The following BCO1 variants were observed in gnomAD, a reference collection of about 807,000 sequenced individuals.
The protein encoded by BCO1 is beta-carotene oxygenase 1.
BCO1 carries 54 observed loss-of-function variants against 56.3 expected under a neutral mutation model. That is an observed-to-expected ratio of 0.96 (90% CI 0.77 to 1.20). The LOEUF (loss-of-function observed/expected upper bound fraction) is 1.20, where lower values mean the gene tolerates loss of function less well. Ranked by LOEUF, BCO1 falls within the 50% of genes most tolerant of loss-of-function variation. The pLI is 0.00. For missense variants in BCO1, 801 were observed against 690.9 expected, an observed-to-expected ratio of 1.16 and a Z score of -1.79; for synonymous variants, 318 against 266.1, an observed-to-expected ratio of 1.20 and a Z score of -1.90.
rs1264701868 is a variant in BCO1, at chr16:81,238,934, G to C, written c.26G>C (p.Arg9Thr). Residue 9 changes from arginine to threonine, a missense_variant, in exon 1 of 11, where the codon AGG becomes ACG. Physicochemically the swap from Arg to Thr is moderately conservative, Grantham distance 71 (BLOSUM62 -1). Transcript: ENST00000258168. ...ATGGATATAATATTTGGCAGGAATAGGAAAGAACAGCTGGAGCCTGTGAGG... is the reference window on the plus strand; with the variant it reads ...ATGGATATAATATTTGGCAGGAATACGAAAGAACAGCTGGAGCCTGTGAGG... The part of the protein sequence containing the change: MDIIFGRN[R>T]KEQLEPVRAK... 1 of 1,614,080 alleles carries C rather than the reference G, an allele frequency of 6.2e-7. No homozygotes were observed. Among genetic ancestry groups the C allele is most frequent in the Non-Finnish European group, 8.5e-7 (1 of 1,180,008 alleles).
At chr16:81,239,860 G>A (rs1271192524) in intron 1 of BCO1, among the ~76,000 whole-genome samples, 1 of 152,090 alleles carries the variant, frequency 6.6e-6, no homozygotes, top group Non-Finnish European at 1.5e-5. Flanking sequence ...ACTCTAAAGG[G>A]CAGTTCCTGG....
In BCO1 at chr16:81,246,622, A is replaced by G. The variant is rs572106440; in HGVS notation, c.193+1019A>G. Among the ~76,000 whole-genome samples the G allele has an allele frequency of 2.6e-5, 4 of 152,102 alleles. No homozygotes were observed. In the South Asian group the frequency reaches 8.3e-4, roughly 32 times the overall value. On this transcript the variant is annotated intron_variant, in intron 2 of 10. Coordinates refer to ENST00000258168, the MANE Select transcript of BCO1 (RefSeq NM_017429.3). ...TTCCATCACTTTGGGAGGCCAAGGCAGGCAGATCATTCAGGGTCGGGAGTT... is the reference window on the plus strand; with the variant it reads ...TTCCATCACTTTGGGAGGCCAAGGCGGGCAGATCATTCAGGGTCGGGAGTT...
chr16:81,288,078 G>A (rs1308825655), intron 10 of BCO1, among the ~76,000 whole-genome samples: 2 of 152,140 alleles, frequency 1.3e-5, no homozygotes, highest in Non-Finnish European at 2.9e-5. Flanking sequence ...AAAGATACTT[G>A]TATCAAGCAG....
At chr16:81,288,954 C>T (rs972139209) in intron 10 of BCO1, among the ~76,000 whole-genome samples, 18 of 152,188 alleles carry the variant, frequency 1.2e-4, no homozygotes, top group Non-Finnish European at 2.1e-4. Flanking sequence ...CTGTCATCTC[C>T]AAGGCGGGGG....
chr16:81,241,076 C>T (rs561157968), intron 1 of BCO1, among the ~76,000 whole-genome samples: 241 of 152,242 alleles, frequency 1.6e-3, no homozygotes, highest in African/African-American at 4.5e-3. Flanking sequence ...TCAGTTGATC[C>T]GCCCGTGTTG....
At chr16:81,253,353 C>G (rs368212675) in intron 2 of BCO1, among the ~76,000 whole-genome samples, 1 of 152,142 alleles carries the variant, frequency 6.6e-6, no homozygotes, top group Non-Finnish European at 1.5e-5. Context: ...TCAAATGTCA[C>G]GTGACTCTGC....
At chr16:81,253,902 G>T (rs999683969) in intron 2 of BCO1, among the ~76,000 whole-genome samples, 1 of 152,254 alleles carries the variant, frequency 6.6e-6, no homozygotes, top group East Asian at 1.9e-4. Context: ...GATTGAGGCT[G>T]CAGTGAGCTG....
chr16:81,244,872 A>C (rs917372824), intron 1 of BCO1, among the ~76,000 whole-genome samples: 3 of 151,896 alleles, frequency 2.0e-5, no homozygotes, highest in African/African-American at 7.3e-5. Flanking sequence ...GGCATATGCC[A>C]CCACAATGAG....
chr16:81,280,499 T>C (rs1907818110), intron 7 of BCO1, among the ~76,000 whole-genome samples: 1 of 152,160 alleles, frequency 6.6e-6, no homozygotes, highest in East Asian at 1.9e-4. Flanking sequence ...AGAAGCATCC[T>C]TTTAACGACT....
At chr16:81,269,702 C>G (rs1907065847) in intron 6 of BCO1, among the ~76,000 whole-genome samples, 1 of 152,168 alleles carries the variant, frequency 6.6e-6, no homozygotes, top group South Asian at 2.1e-4. Context: ...CTCCTGACCT[C>G]AAGTGATCCA....
intron 7 of BCO1, among the ~76,000 whole-genome samples, chr16:81,280,564 T>C (rs1467207767): frequency 6.6e-6 from 1 of 152,152 alleles, no homozygotes; most frequent in Non-Finnish European, 1.5e-5. Flanking sequence ...GAACTTACTC[T>C]CAGAAGCACA....
At chr16:81,240,823 G>C (rs1160514913) in intron 1 of BCO1, among the ~76,000 whole-genome samples, 2 of 137,636 alleles carry the variant, frequency 1.5e-5, no homozygotes, top group African/African-American at 5.5e-5. Context: ...TACTTTCAAT[G>C]CATTTAATTT....
chr16:81,254,259 G>C (rs1473140512), intron 2 of BCO1, among the ~76,000 whole-genome samples: 1 of 150,220 alleles, frequency 6.7e-6, no homozygotes, highest in Non-Finnish European at 1.5e-5. Flanking sequence ...CTCCTGAGTA[G>C]CTGGGACTAT....
At chr16:81,274,804 G>GGAGGCA (rs1181854795) in intron 7 of BCO1, among the ~76,000 whole-genome samples, 2 of 152,090 alleles carry the variant, frequency 1.3e-5, no homozygotes, top group Non-Finnish European at 2.9e-5. Flanking sequence ...CTTGAACCCA[G>GGAGGCA]GAGGTGGAGG....
At position 81,245,502 on chromosome 16, in the gene BCO1, C is replaced by A; in HGVS notation, c.92C>A (p.Thr31Asn). Reference sequence around the variant, plus strand: ...AAGATTCCAGCATGGCTGCAGGGAACCCTGCTCCGCAATGGGCCTGGGATG... The same window carrying A: ...AAGATTCCAGCATGGCTGCAGGGAAACCTGCTCCGCAATGGGCCTGGGATG... ...TGKIPAWLQG[T>N]LLRNGPGMHT... is the part of the protein sequence containing the mutation. Residue 31 changes from threonine to asparagine, a missense_variant, in exon 2 of 11, where the codon ACC (threonine) becomes AAC (asparagine). Transcript: ENST00000258168. 6.2e-7 allele frequency: 1 copy of A among 1,613,760 alleles called. No individual in the cohort carries two copies. Among genetic ancestry groups the A allele is most frequent in the African/African-American group, 1.3e-5 (1 of 75,032 alleles).
chr16:81,275,988 G>A (rs755057471), intron 7 of BCO1, among the ~76,000 whole-genome samples: 6 of 152,226 alleles, frequency 3.9e-5, no homozygotes, highest in East Asian at 1.9e-4. Context: ...GCTGCAGGGC[G>A]CTGTGTGAGG....
intron 7 of BCO1, among the ~76,000 whole-genome samples, chr16:81,273,438 C>A (rs774955922): frequency 1.3e-5 from 2 of 152,140 alleles, no homozygotes; most frequent in Non-Finnish European, 2.9e-5. Context: ...CCCACCCTTA[C>A]CGCCCAGTTT....
intron 3 of BCO1, 150 bp downstream of exon 3, chr16:81,259,955 T>C: frequency 1.0e-6 from 1 of 994,618 alleles, no homozygotes; most frequent in Non-Finnish European, 1.5e-6. Context: ...TACACAGTTC[T>C]TGATCACTGA....
At chr16:81,239,892 G>T (rs916866938) in intron 1 of BCO1, among the ~76,000 whole-genome samples, 1 of 152,138 alleles carries the variant, frequency 6.6e-6, no homozygotes, top group Non-Finnish European at 1.5e-5. Flanking sequence ...CGGGTCCCCA[G>T]AGTGGTGCTC....
Sources: allele counts gnomAD v4.1 joint callset (sites outside exome capture counted in the v4.1 genomes callset), GRCh38; gene constraint gnomAD v4.1.1; transcripts MANE v1.5; gene names NCBI Gene and HGNC (gene_info 2026-07-23, HGNC 2026-07-21).